BLM: variants seen among roughly 807,000 people sequenced by gnomAD.
BLM encodes the protein BLM RecQ like helicase, also known as recQ-like DNA helicase BLM.
Under a neutral mutation model 135.3 loss-of-function variants are expected in BLM, and 95 were observed. The ratio of observed to expected loss-of-function variants is 0.70; its 90% CI spans 0.59 to 0.83. BLM has a LOEUF of 0.83. Among genes scored for constraint, BLM ranks in the 40% least tolerant of loss-of-function variants. BLM has a pLI of 0.00. For synonymous variants in BLM, 520 were observed against 589.2 expected (o/e 0.88, Z 1.70); for missense variants, 1,518 against 1,663.9 (o/e 0.91, Z 1.53).
Position 90,809,217 on chromosome 15 carries a change from G to A in BLM, c.3832G>A (p.Val1278Met), listed in dbSNP as rs753563391. Residue 1278 changes from valine to methionine, a missense_variant, in exon 20 of 22, where the codon GTG (valine) becomes ATG (methionine). Physicochemically the swap from Val to Met is conservative, Grantham distance 21. This residue lies in a region of BLM where 153 missense variants were observed against 173.4 expected (regional missense o/e 0.88). Coordinates refer to ENST00000355112, the MANE Select transcript of BLM (RefSeq NM_000057.4). ...EDKLEKYGAE[V>M]ISVLQKYSEW... is the part of the protein sequence containing the mutation. ...CAAACTGGAAAAATATGGTGCGGAA[G>A]TGATTTCAGTATTACAGAAATACTC... The A allele has an allele frequency of 3.7e-6, 6 of 1,614,216 alleles. No homozygotes were observed. Among genetic ancestry groups the A allele is most frequent in the Non-Finnish European group, 5.1e-6 (6 of 1,180,030 alleles).
intron 1 of BLM, among the ~76,000 whole-genome samples, chr15:90,728,315 C>T (rs921213909): frequency 4.6e-5 from 7 of 152,148 alleles, no homozygotes; most frequent in Non-Finnish European, 8.8e-5. Context: ...GGATTATAGG[C>T]ATGAGCCACT....
chr15:90,765,472 C>G, intron 9 of BLM, 58 bp downstream of exon 9: 1 of 1,300,854 alleles, frequency 7.7e-7, no homozygotes, highest in Non-Finnish European at 1.1e-6. Context: ...TTTCAGTCCT[C>G]TGGATAACCT....
At chr15:90,720,505 A>C (rs1351692879) in intron 1 of BLM, among the ~76,000 whole-genome samples, 2 of 152,246 alleles carry the variant, frequency 1.3e-5, no homozygotes, top group Non-Finnish European at 2.9e-5. Context: ...TTTCAGCTAT[A>C]AAATTAGTTA....
chr15:90,729,746 G>T (rs951776912), intron 1 of BLM, among the ~76,000 whole-genome samples: 10 of 152,198 alleles, frequency 6.6e-5, no homozygotes, highest in African/African-American at 2.4e-4. Context: ...CAACATCCAA[G>T]GATCAGGATA....
chr15:90,776,645 C>T (rs143889958), intron 12 of BLM, among the ~76,000 whole-genome samples: 1,902 of 152,262 alleles, frequency 0.012, 19 homozygotes, highest in Non-Finnish European at 0.018. Context: ...CCTCAACCCG[C>T]CAAGTAGCCA....
intron 14 of BLM, among the ~76,000 whole-genome samples, chr15:90,787,256 C>T (rs1035704827): frequency 1.3e-5 from 2 of 151,268 alleles, no homozygotes; most frequent in Admixed American, 6.6e-5. Flanking sequence ...GGTTTCACCA[C>T]GTTAGCCAGG....
intron 1 of BLM, among the ~76,000 whole-genome samples, chr15:90,734,974 G>A (rs1258917880): frequency 6.6e-6 from 1 of 151,728 alleles, no homozygotes; most frequent in Non-Finnish European, 1.5e-5. Context: ...AATCAATAAT[G>A]AAACTAACTA....
chr15:90,800,420 C>T (rs997037447), intron 17 of BLM, among the ~76,000 whole-genome samples: 1 of 152,176 alleles, frequency 6.6e-6, no homozygotes, highest in Non-Finnish European at 1.5e-5. Flanking sequence ...CGGTGGCTCA[C>T]GCCTGTAATC....
At chr15:90,778,102 C>T (rs1896525848) in intron 12 of BLM, among the ~76,000 whole-genome samples, 1 of 152,152 alleles carries the variant, frequency 6.6e-6, no homozygotes, top group African/African-American at 2.4e-5. Context: ...CTCCAAGGGT[C>T]TATTAACTTT....
At chr15:90,748,057 C>T (rs374418997) in intron 2 of BLM, among the ~76,000 whole-genome samples, 1 of 151,276 alleles carries the variant, frequency 6.6e-6, no homozygotes, top group East Asian at 2.0e-4. Context: ...CCACCTGCCT[C>T]GGCCTCCCAA....
At position 90,808,961 on chromosome 15, in the gene BLM, G is replaced by C. The variant is rs568628441; in HGVS notation, c.3752-176G>C. 9 of 791,502 alleles carry C rather than the reference G, an allele frequency of 1.1e-5. No individual in the cohort carries two copies. In the South Asian group the frequency reaches 1.4e-4, roughly 12 times the overall value. 49.0% of individuals were successfully genotyped at this position (791,502 alleles called of 1,614,324 possible). On this transcript the variant is annotated intron_variant, in intron 19 of 21. Transcript: ENST00000355112. ...TGGATGGTGGGTTCCTGCCCTCTGTGCCTGTCTGCTGCCTCTGAGGTGCTA... is the reference window on the plus strand; with the variant it reads ...TGGATGGTGGGTTCCTGCCCTCTGTCCCTGTCTGCTGCCTCTGAGGTGCTA...
At chr15:90,769,926 A>C (rs569853405) in intron 12 of BLM, among the ~76,000 whole-genome samples, 1 of 152,254 alleles carries the variant, frequency 6.6e-6, no homozygotes, top group East Asian at 1.9e-4. Flanking sequence ...AGTCCCAGTA[A>C]TAAATTAATT....
chr15:90,786,997 G>C (rs1896765718), intron 14 of BLM, among the ~76,000 whole-genome samples: 1 of 149,506 alleles, frequency 6.7e-6, no homozygotes, highest in African/African-American at 2.5e-5. Context: ...CCGTCACCCA[G>C]GTGGGTGGGG....
chr15:90,758,851 A>T (rs770959703), intron 5 of BLM, among the ~76,000 whole-genome samples: 9 of 152,174 alleles, frequency 5.9e-5, no homozygotes, highest in Non-Finnish European at 1.2e-4. Flanking sequence ...CTTGTGTCAG[A>T]TGCCTACTGA....
rs202042636 is a variant in BLM, at chr15:90,751,829, A to C, written c.842A>C (p.His281Pro). The change falls in exon 4 of 22, where the codon CAT (histidine) becomes CCT (proline). Residue 281 changes from histidine to proline, a missense_variant. His to Pro is a moderately conservative substitution (Grantham distance 77, BLOSUM62 -2). Around this residue, in one of 5 missense-constraint regions of BLM, gnomAD observed 724 missense variants for 756.9 expected, o/e 0.96. Coordinates refer to ENST00000355112, the MANE Select transcript of BLM (RefSeq NM_000057.4). ...KKKNLEEAEL[H>P]STEKVPCIEF... is the part of the protein sequence containing the mutation. ...AAGAATTTGGAAGAAGCTGAATTAC[A>C]TTCAACTGAGAAAGTTCCATGTATT... is the stretch of plus-strand genomic sequence containing the variant. The C allele has an allele frequency of 1.8e-4, 291 of 1,613,098 alleles. No individual in the cohort carries two copies. Among genetic ancestry groups the C allele is most frequent in the Admixed American group, 2.5e-4 (15 of 60,006 alleles).
At chr15:90,742,581 C>A (rs2151141495) in intron 1 of BLM, among the ~76,000 whole-genome samples, 1 of 152,072 alleles carries the variant, frequency 6.6e-6, no homozygotes, top group South Asian at 2.1e-4. Flanking sequence ...GTGTTTTTCT[C>A]CATCCCATGT....
chr15:90,768,984 C>T, intron 10 of BLM, 149 bp from the exon 11 acceptor site: 1 of 743,018 alleles, frequency 1.3e-6, no homozygotes, highest in Non-Finnish European at 2.4e-6. Flanking sequence ...CCTCGGCTTC[C>T]CAAAGTGCTG....
chr15:90,746,337 A>T (rs1040402079), intron 1 of BLM, among the ~76,000 whole-genome samples: 1 of 152,212 alleles, frequency 6.6e-6, no homozygotes, highest in Non-Finnish European at 1.5e-5. Flanking sequence ...GAATTATTCA[A>T]TGTTTATTAA....
At chr15:90,794,604 T>G (rs1357381699) in intron 16 of BLM, among the ~76,000 whole-genome samples, 1 of 151,604 alleles carries the variant, frequency 6.6e-6, no homozygotes, top group Non-Finnish European at 1.5e-5. Flanking sequence ...TGAGTTTATA[T>G]ATGTGCACTG....
Sources: allele counts gnomAD v4.1 joint callset (sites outside exome capture counted in the v4.1 genomes callset), GRCh38; gene constraint gnomAD v4.1.1; regional missense constraint gnomAD v4.1.1; transcripts MANE v1.5; gene names NCBI Gene and HGNC (gene_info 2026-07-23, HGNC 2026-07-21).